GFPT1: variants seen among roughly 807,000 people sequenced by gnomAD.
GFPT1 encodes the protein glutamine--fructose-6-phosphate transaminase 1.
In GFPT1, 40 loss-of-function variants were observed where a neutral mutation model predicts 92.0. That is an observed-to-expected ratio of 0.43 (90% CI 0.34 to 0.57). The LOEUF is 0.57. Ranked by LOEUF, GFPT1 falls within the 20% of genes least tolerant of loss-of-function variation. The pLI is 0.02. For missense variants in GFPT1, 448 were observed against 869.1 expected, an observed-to-expected ratio of 0.52 and a Z score of 6.09; for synonymous variants, 269 against 280.6, an observed-to-expected ratio of 0.96 and a Z score of 0.41.
chr2:69,327,088 A>T lies in GFPT1; in HGVS notation c.1894-13T>A, dbSNP rs1670548649. 1 of 1,613,276 alleles carries T rather than the reference A, an allele frequency of 6.2e-7. No homozygotes were observed. Among genetic ancestry groups the T allele is most frequent in the East Asian group, 2.2e-5 (1 of 44,886 alleles). ...CCACAGGCCGCCCCTAGGAAAGAAAATCACACACATACACAACATCACTGG... is the reference window on the plus strand; with the variant it reads ...CCACAGGCCGCCCCTAGGAAAGAAATTCACACACATACACAACATCACTGG... On this transcript the variant is annotated splice_polypyrimidine_tract_variant and intron_variant, in intron 18 of 19. Coordinates refer to ENST00000357308, the MANE Select transcript of GFPT1 (RefSeq NM_001244710.2).
intron 13 of GFPT1, among the ~76,000 whole-genome samples, chr2:69,340,835 C>T (rs1489946537): frequency 6.6e-6 from 1 of 152,106 alleles, no homozygotes; most frequent in Admixed American, 6.5e-5. Flanking sequence ...TAATTTCTGC[C>T]CCCAAATTGT....
rs1362298945 is a variant in GFPT1 at position 69,342,203 on chromosome 2, G to A, written c.1152C>T (p.Cys384=). ...CACAAGCAATAAGAATCAAACGCCGGCATCTCTGGATCTCCTTTATGTGAT... is the reference window on the plus strand; with the variant it reads ...CACAAGCAATAAGAATCAAACGCCGACATCTCTGGATCTCCTTTATGTGAT... ...LKDHIKEIQR[C]RRLILIACGT... Residue 384 remains cysteine, a synonymous_variant, in exon 13 of 20, where the codon TGC becomes TGT. Coordinates refer to ENST00000357308, the MANE Select transcript of GFPT1 (RefSeq NM_001244710.2). 2.5e-6 allele frequency: 4 copies of A among 1,611,650 alleles called. No homozygotes were observed. Among genetic ancestry groups the A allele is most frequent in the Middle Eastern group, 1.7e-4 (1 of 6,058 alleles).
At chr2:69,373,965 T>A in intron 2 of GFPT1, 41 bp downstream of exon 2, 1 of 934,274 alleles carries the variant, frequency 1.1e-6, no homozygotes, top group South Asian at 1.3e-5. Flanking sequence ...AGTATCTATT[T>A]AAAGAATCAT....
rs1671535399 is a variant in GFPT1, at chr2:69,363,659, T to C, written c.235A>G (p.Met79Val). Residue 79 changes from methionine (M) to valine (V), a missense_variant, in exon 4 of 20, where the codon ATG (methionine) becomes GTG (valine). Around this residue, in one of 7 missense-constraint regions of GFPT1, gnomAD observed 72 missense variants for 95.1 expected, o/e 0.76. Transcript: ENST00000357308. ...ACATCAAATTCTATATCCAAATCCATATCTTGTTGCTCTGAAGAATATGAA... is the reference window on the plus strand; with the variant it reads ...ACATCAAATTCTATATCCAAATCCACATCTTGTTGCTCTGAAGAATATGAA... ...LDEEVHKQQD[M>V]DLDIEFDVHL... 3 of 1,605,098 alleles carry C rather than the reference T, an allele frequency of 1.9e-6. No homozygotes were observed. Among genetic ancestry groups the C allele is most frequent in the Non-Finnish European group, 2.6e-6 (3 of 1,171,696 alleles).
intron 9 of GFPT1, among the ~76,000 whole-genome samples, chr2:69,350,977 C>T (rs1671192025): frequency 6.6e-6 from 1 of 151,188 alleles, no homozygotes; most frequent in Non-Finnish European, 1.5e-5. Context: ...ATAACAAAAC[C>T]TCACTAGATT....
At chr2:69,332,940 G>A (rs1002908080) in intron 15 of GFPT1, among the ~76,000 whole-genome samples, 4 of 151,948 alleles carry the variant, frequency 2.6e-5, no homozygotes, top group African/African-American at 9.7e-5. Flanking sequence ...ATAGTTAAAT[G>A]AGACTCCCTG....
rs376099173 is a variant in GFPT1 at position 69,373,496 on chromosome 2, T to A, written c.115+510A>T. ...TTAGCTGGGCATGGTGGCACACAGCTATAGTCCTAGCTACTGAGGAGGCTA... is the reference window on the plus strand; with the variant it reads ...TTAGCTGGGCATGGTGGCACACAGCAATAGTCCTAGCTACTGAGGAGGCTA... On this transcript the variant is annotated intron_variant, in intron 2 of 19. Transcript: ENST00000357308. Among the ~76,000 whole-genome samples the A allele has an allele frequency of 7.2e-5, 11 of 152,248 alleles. No homozygotes were observed. The East Asian group carries it at 1.2e-3, about 16-fold the overall frequency.
chr2:69,374,401 C>T (rs1353084555), intron 1 of GFPT1, among the ~76,000 whole-genome samples: 2 of 151,848 alleles, frequency 1.3e-5, no homozygotes, highest in Non-Finnish European at 2.9e-5. Flanking sequence ...GCAAGCTCCG[C>T]CTCCCGGGTT....
intron 1 of GFPT1, among the ~76,000 whole-genome samples, chr2:69,385,835 G>T (rs953482671): frequency 6.6e-6 from 1 of 150,808 alleles, no homozygotes; most frequent in African/African-American, 2.4e-5. Context: ...TTTTATGTGG[G>T]TTTTTTTTTA....
chr2:69,344,436 C>T (rs1204744979), intron 12 of GFPT1, among the ~76,000 whole-genome samples: 3 of 152,108 alleles, frequency 2.0e-5, no homozygotes, highest in Non-Finnish European at 4.4e-5. Flanking sequence ...GCCATCACTA[C>T]AGGCAAAAGA....
intron 15 of GFPT1, among the ~76,000 whole-genome samples, chr2:69,332,227 C>G (rs1670679830): frequency 6.6e-6 from 1 of 151,466 alleles, no homozygotes; most frequent in South Asian, 2.1e-4. Flanking sequence ...AATGCTATTT[C>G]CCTCTATTTA....
chr2:69,373,822 C>T (rs572172598), intron 2 of GFPT1, among the ~76,000 whole-genome samples, 184 bp downstream of exon 2: 1 of 152,266 alleles, frequency 6.6e-6, no homozygotes, highest in Admixed American at 6.5e-5. Context: ...CAATACTCCA[C>T]ATAAATGGTA....
rs1173571666 is a variant in GFPT1, at chr2:69,326,252, A to G, written c.2056-19T>C. 6.3e-7 allele frequency: 1 copy of G among 1,586,112 alleles called. No homozygotes were observed. The highest frequency in any genetic ancestry group is 8.6e-7 in the Non-Finnish European group (1 of 1,160,634). ...AATCAACCTGCAAAAAGAAAAAAAA[A>G]AAAAGCAAGATTTGAGAGATTATAT... On this transcript the variant is annotated intron_variant, in intron 19 of 19. Coordinates refer to ENST00000357308, the MANE Select transcript of GFPT1 (RefSeq NM_001244710.2).
intron 19 of GFPT1, 131 bp from the exon 20 acceptor site, chr2:69,326,364 C>T: frequency 1.5e-6 from 1 of 665,372 alleles, no homozygotes; most frequent in Admixed American, 2.5e-5. Context: ...ATCTTTATTA[C>T]AGACTACAAA....
At chr2:69,338,111 T>C (rs1670845360) in intron 14 of GFPT1, 56 bp from the exon 15 acceptor site, 3 of 1,506,584 alleles carry the variant, frequency 2.0e-6, no homozygotes, top group African/African-American at 2.7e-5. Context: ...ATATGCTGTT[T>C]CTTAGGAGCA....
chr2:69,333,989 C>G (rs558181195), intron 15 of GFPT1, among the ~76,000 whole-genome samples: 5 of 152,240 alleles, frequency 3.3e-5, no homozygotes, highest in African/African-American at 9.6e-5. Flanking sequence ...CACCCAGTCT[C>G]TACTAAAAAT....
intron 4 of GFPT1, among the ~76,000 whole-genome samples, chr2:69,361,019 G>C (rs1378193768): frequency 1.3e-5 from 2 of 152,018 alleles, no homozygotes; most frequent in African/African-American, 4.8e-5. Context: ...ACAGGCATGA[G>C]TCACCACACC....
intron 1 of GFPT1, among the ~76,000 whole-genome samples, chr2:69,385,500 T>C (rs1216762687): frequency 2.6e-5 from 4 of 151,590 alleles, no homozygotes; most frequent in Non-Finnish European, 4.4e-5. Flanking sequence ...GCTGAGATTA[T>C]AGGCGGGAGC....
Position 69,354,314 on chromosome 2 carries a change from T to C in GFPT1, c.686-2A>G, listed in dbSNP as rs1011196447. On this transcript the variant is annotated splice_acceptor_variant, in intron 8 of 19. Coordinates refer to ENST00000357308, the MANE Select transcript of GFPT1 (RefSeq NM_001244710.2). LOFTEE classifies it high-confidence loss of function. ...ATTTTGATCCAATCTGAGTCCTAGCTAAGGATACACAACAGAAAAAAATTC... is the reference window on the plus strand; with the variant it reads ...ATTTTGATCCAATCTGAGTCCTAGCCAAGGATACACAACAGAAAAAAATTC... 18 of 1,589,450 alleles carry C rather than the reference T, an allele frequency of 1.1e-5. No homozygotes were observed. The Admixed American group carries it at 1.9e-4, about 16-fold the overall frequency.
Sources: gnomAD v4.1 joint callset for allele counts (sites outside exome capture counted in the v4.1 genomes callset) on GRCh38, gnomAD v4.1.1 for gene constraint, gnomAD v4.1.1 regional missense constraint, MANE v1.5 for transcripts, NCBI Gene and HGNC (gene_info 2026-07-23, HGNC 2026-07-21) for gene names.